The following DOCK5 variants were observed in gnomAD, a reference collection of about 807,000 sequenced individuals.
The protein encoded by DOCK5 is dedicator of cytokinesis protein 5.
Under a neutral mutation model 251.8 loss-of-function variants are expected in DOCK5, and 142 were observed. That is an observed-to-expected ratio of 0.56 (90% CI 0.49 to 0.65). The LOEUF is 0.65. Among genes scored for constraint, DOCK5 ranks in the 30% least tolerant of loss-of-function variants. The pLI is 0.00. For missense variants in DOCK5, 2,111 were observed against 2,312.3 expected (o/e 0.91, Z 1.79); for synonymous variants, 842 against 835.5 (o/e 1.01, Z -0.13).
intron 13 of DOCK5, among the ~76,000 whole-genome samples, chr8:25,314,380 A>G (rs985073252): frequency 1.3e-4 from 20 of 151,298 alleles, no homozygotes; most frequent in Non-Finnish European, 2.1e-4. Flanking sequence ...CTGCCTCCCA[A>G]AGTGCTGAGA....
chr8:25,277,722 A>G (rs60754231), intron 4 of DOCK5, among the ~76,000 whole-genome samples: 2,252 of 152,316 alleles, frequency 0.015, 58 homozygotes, highest in African/African-American at 0.051. Flanking sequence ...AGGGTTATAC[A>G]GGATGCCCAG....
intron 45 of DOCK5, among the ~76,000 whole-genome samples, chr8:25,399,336 A>G (rs1369124457): frequency 6.6e-6 from 1 of 152,188 alleles, no homozygotes; most frequent in African/African-American, 2.4e-5. Context: ...ACCAGCATTT[A>G]ATATATTTGA....
At chr8:25,279,175 T>C (rs1192998327) in intron 5 of DOCK5, among the ~76,000 whole-genome samples, 1 of 152,112 alleles carries the variant, frequency 6.6e-6, no homozygotes, top group Non-Finnish European at 1.5e-5. Flanking sequence ...TAGTGTTAAG[T>C]TGTGGTCTGA....
intron 18 of DOCK5, among the ~76,000 whole-genome samples, chr8:25,331,236 C>G (rs1048926875): frequency 9.5e-5 from 14 of 147,134 alleles, no homozygotes; most frequent in African/African-American, 3.6e-4. Context: ...CTGTGACACA[C>G]ACACACACAC....
At position 25,358,995 on chromosome 8, in the gene DOCK5, G is replaced by A. The variant is rs748110842; in HGVS notation, c.2883G>A (p.Leu961=). The change falls in exon 28 of 52, where the codon CTG becomes CTA. Residue 961 remains leucine (L), a synonymous_variant. Transcript: ENST00000276440. ...TTGTGGCTTGCATGATTGCCCTGCT[G>A]CAGCAAATGGACGACAGCCACTATA... is the stretch of plus-strand genomic sequence containing the variant. ...GSFVACMIAL[L]QQMDDSHYSH... 8 of 1,613,956 alleles carry A rather than the reference G, an allele frequency of 5.0e-6. No homozygotes were observed. The highest frequency in any genetic ancestry group is 1.1e-5 in the South Asian group (1 of 91,086).
chr8:25,220,324 G>C (rs546536017), intron 1 of DOCK5, among the ~76,000 whole-genome samples: 5 of 152,240 alleles, frequency 3.3e-5, no homozygotes, highest in Admixed American at 1.3e-4. Context: ...GATGCTCTGT[G>C]TATGGCTAGG....
chr8:25,323,988 C>A, intron 17 of DOCK5, 37 bp downstream of exon 17: 2 of 1,542,962 alleles, frequency 1.3e-6, no homozygotes, highest in East Asian at 4.7e-5. Flanking sequence ...AAAATACTCC[C>A]TTTCAAATGA....
intron 1 of DOCK5, among the ~76,000 whole-genome samples, chr8:25,187,268 CACACATATATGTATATATGTATAT>C (rs1477119128): frequency 1.4e-5 from 2 of 147,426 alleles, no homozygotes; most frequent in Admixed American, 6.8e-5. Context: ...CACGTATACA[CACACATATATGTATATATGTATAT>C]ACATATATAT....
intron 50 of DOCK5, chr8:25,409,853 C>CA: frequency 2.8e-6 from 1 of 354,090 alleles, no homozygotes; most frequent in South Asian, 4.6e-5. Flanking sequence ...CTCAAAAAAA[C>CA]AAAAATAAAA....
chr8:25,323,496 G>A (rs1236402478), intron 16 of DOCK5, among the ~76,000 whole-genome samples: 1 of 152,120 alleles, frequency 6.6e-6, no homozygotes, highest in Non-Finnish European at 1.5e-5. Flanking sequence ...AGGTGAGTGT[G>A]GCCTGAAGTC....
intron 1 of DOCK5, among the ~76,000 whole-genome samples, chr8:25,206,035 T>A (rs1421322627): frequency 1.3e-5 from 2 of 152,206 alleles, no homozygotes; most frequent in East Asian, 3.9e-4. Flanking sequence ...CAGTTGGGGT[T>A]ATTGGAGTTT....
intron 50 of DOCK5, 22 bp from the exon 51 acceptor site, chr8:25,410,077 C>A: frequency 6.2e-7 from 1 of 1,600,668 alleles, no homozygotes; most frequent in Non-Finnish European, 8.5e-7. Context: ...TCTCTGCCGC[C>A]TGCACTTTCT....
At chr8:25,214,097 T>C (rs1451248610) in intron 1 of DOCK5, among the ~76,000 whole-genome samples, 2 of 152,172 alleles carry the variant, frequency 1.3e-5, no homozygotes, top group Non-Finnish European at 2.9e-5. Context: ...GCCAAGTTTG[T>C]GTACATTGAA....
At chr8:25,340,774 T>G in intron 22 of DOCK5, 103 bp from the exon 23 acceptor site, 1 of 901,384 alleles carries the variant, frequency 1.1e-6, no homozygotes. Flanking sequence ...GTCAGAATGA[T>G]TAGGGTGATA....
chr8:25,373,731 T>C, intron 36 of DOCK5, 73 bp downstream of exon 36: 22 of 1,417,808 alleles, frequency 1.6e-5, no homozygotes, highest in Non-Finnish European at 2.1e-5. Flanking sequence ...AGTAAACAAA[T>C]ACTTTCCCAA....
chr8:25,359,415 T>G (rs1800637253), intron 28 of DOCK5, among the ~76,000 whole-genome samples: 1 of 152,170 alleles, frequency 6.6e-6, no homozygotes, highest in African/African-American at 2.4e-5. Flanking sequence ...GGCAGGGGTG[T>G]GCAAAGTCTC....
Position 25,365,889 on chromosome 8 carries a change from T to C in DOCK5, c.3124-981T>C, listed in dbSNP as rs555698436. Reference sequence around the variant, plus strand: ...ATAAGTAGAGGAAAGTATACACACATACACACACAGAGATGCATGCACATA... The same window carrying C: ...ATAAGTAGAGGAAAGTATACACACACACACACACAGAGATGCATGCACATA... On this transcript the variant is annotated intron_variant, in intron 30 of 51. Transcript: ENST00000276440. Among the ~76,000 whole-genome samples the C allele has an allele frequency of 3.0e-4, 46 of 152,270 alleles. 1 individual carries two copies. In the South Asian group the frequency reaches 9.5e-3, roughly 32 times the overall value.
intron 1 of DOCK5, among the ~76,000 whole-genome samples, chr8:25,215,940 C>T (rs1032603136): frequency 0.021 from 2,940 of 139,426 alleles, 42 homozygotes; most frequent in African/African-American, 0.046. Flanking sequence ...AATACACACA[C>T]ACACACACAC....
In DOCK5 at chr8:25,399,790, G is replaced by A. The variant is rs1202482803; in HGVS notation, c.4705-121G>A. 5.7e-5 allele frequency: 39 copies of A among 688,070 alleles called. No individual in the cohort carries two copies. The South Asian group carries it at 6.4e-4, about 11-fold the overall frequency. 42.6% of individuals were successfully genotyped at this position (688,070 alleles called of 1,614,324 possible). The stretch of plus-strand genomic sequence containing the variant: ...TAGTATAAGAGCTGTCTGAGGAAAG[G>A]GATGCATTTTTAGTTAGACACATCT... On this transcript the variant is annotated intron_variant, in intron 45 of 51. Coordinates refer to ENST00000276440, the MANE Select transcript of DOCK5 (RefSeq NM_024940.8).
Sources: allele counts gnomAD v4.1 joint callset (sites outside exome capture counted in the v4.1 genomes callset), GRCh38; gene constraint gnomAD v4.1.1; transcripts MANE v1.5; gene names NCBI Gene and HGNC (gene_info 2026-07-23, HGNC 2026-07-21).